The following SCIN variants were observed in gnomAD, a reference collection of about 807,000 sequenced individuals.
SCIN encodes the protein scinderin.
A neutral mutation model predicts 91.8 loss-of-function variants in SCIN; 91 were observed. That is an observed-to-expected ratio of 0.99 (90% CI 0.84 to 1.18). The LOEUF (loss-of-function observed/expected upper bound fraction) is 1.18. SCIN is among the 50% of genes most tolerant of loss of function. The pLI is 0.00. For synonymous variants in SCIN, 367 were observed against 312.6 expected, an observed-to-expected ratio of 1.17 and a Z score of -1.84; for missense variants, 1,087 against 863.9, an observed-to-expected ratio of 1.26 and a Z score of -3.24.
At chr7:12,618,490 G>A (rs1174467200) in intron 4 of SCIN, among the ~76,000 whole-genome samples, 1 of 151,988 alleles carries the variant, frequency 6.6e-6, no homozygotes, top group Admixed American at 6.6e-5. Flanking sequence ...TTTTACTTAT[G>A]AATAAAGGAA....
At chr7:12,642,428 A>G (rs1783875678) in intron 11 of SCIN, among the ~76,000 whole-genome samples, 3 of 151,990 alleles carry the variant, frequency 2.0e-5, no homozygotes, top group African/African-American at 4.8e-5. Flanking sequence ...ATTTCTTTAA[A>G]AACTGTGTCT....
At chr7:12,637,632 AAGG>A (rs934237602) in intron 10 of SCIN, among the ~76,000 whole-genome samples, 25 of 151,722 alleles carry the variant, frequency 1.6e-4, no homozygotes, top group African/African-American at 5.8e-4. Flanking sequence ...GACAAGTAAG[AAGG>A]AGGAGAGAAG....
rs1784203783 is a variant in SCIN at position 12,658,053 on chromosome 7, C to T, written c.*5338C>T. 6.6e-6 allele frequency: 1 copy of T among 152,140 alleles called. No homozygotes were observed. Among genetic ancestry groups the T allele is most frequent in the African/African-American group, 2.4e-5 (1 of 41,406 alleles). The allele number at this position is 152,140 out of a possible 1,614,324, so 9.4% of individuals were successfully genotyped here. On this transcript the variant is annotated 3_prime_UTR_variant, in exon 16 of 16. Transcript: ENST00000297029. Reference sequence around the variant, plus strand: ...TAAATTGTTTTCCATTATTTCTGTGCTGATTGCAAACAATACTGAATTAAA... The same window carrying T: ...TAAATTGTTTTCCATTATTTCTGTGTTGATTGCAAACAATACTGAATTAAA...
At chr7:12,571,064 G>A (rs569589614) in intron 1 of SCIN, 79 bp downstream of exon 1, 4 of 1,430,402 alleles carry the variant, frequency 2.8e-6, no homozygotes, top group African/African-American at 1.4e-5. Flanking sequence ...ATTTGCAGGC[G>A]TGGGAGTAAA....
chr7:12,598,984 C>A (rs1315968980), intron 3 of SCIN, among the ~76,000 whole-genome samples: 1 of 151,986 alleles, frequency 6.6e-6, no homozygotes, highest in East Asian at 1.9e-4. Context: ...TGACTTTTAG[C>A]CATTTACAAT....
At chr7:12,638,463 T>C (rs1000815811) in intron 10 of SCIN, among the ~76,000 whole-genome samples, 2 of 152,230 alleles carry the variant, frequency 1.3e-5, no homozygotes. Context: ...AATGCAGTGA[T>C]GTTTCTGATA....
chr7:12,639,733 G>T (rs1186871589), intron 10 of SCIN, among the ~76,000 whole-genome samples: 1 of 151,680 alleles, frequency 6.6e-6, no homozygotes, highest in Non-Finnish European at 1.5e-5. Flanking sequence ...CATTTCTATA[G>T]GTAAGTTAAA....
chr7:12,629,080 T>C, intron 8 of SCIN, 21 bp from the exon 9 acceptor site: 1 of 1,594,812 alleles, frequency 6.3e-7, no homozygotes, highest in Non-Finnish European at 8.5e-7. Flanking sequence ...TAATTTGTTG[T>C]ATATATTCCA....
intron 3 of SCIN, among the ~76,000 whole-genome samples, chr7:12,582,136 C>G (rs1782500360): frequency 6.6e-6 from 1 of 152,178 alleles, no homozygotes; most frequent in South Asian, 2.1e-4. Context: ...TGAGGCTTGT[C>G]TATGGAATTT....
chr7:12,632,964 A>C (rs572188639), intron 9 of SCIN, among the ~76,000 whole-genome samples: 2 of 152,312 alleles, frequency 1.3e-5, no homozygotes, highest in Admixed American at 1.3e-4. Context: ...CACCATTTGA[A>C]ATCATGGATG....
intron 3 of SCIN, among the ~76,000 whole-genome samples, chr7:12,604,251 A>T (rs1221965024): frequency 6.6e-6 from 1 of 152,072 alleles, no homozygotes; most frequent in Non-Finnish European, 1.5e-5. Context: ...CCATATGTTT[A>T]CTTTTATAAA....
chr7:12,576,358 G>GT (rs113504526), intron 1 of SCIN, among the ~76,000 whole-genome samples: 2,764 of 115,690 alleles, frequency 0.024, 112 homozygotes, highest in Admixed American at 0.12. Context: ...CTACTGAGTT[G>GT]TTTTTTTTTG....
At chr7:12,648,617 C>A (rs1784014044) in intron 13 of SCIN, among the ~76,000 whole-genome samples, 1 of 151,960 alleles carries the variant, frequency 6.6e-6, no homozygotes, top group Non-Finnish European at 1.5e-5. Context: ...TAAAAGTAAT[C>A]CTAACCTACA....
rs1300211066 is a variant in SCIN, at chr7:12,656,941, G to A, written c.*4226G>A. On this transcript the variant is annotated 3_prime_UTR_variant, in exon 16 of 16. Coordinates refer to ENST00000297029, the MANE Select transcript of SCIN (RefSeq NM_001112706.3). Reference sequence around the variant, plus strand: ...TCTCGGGGGAAGAAAAAAAAAACCTGTAAAAAGTGGCTCAACTTTAATATT... The same window carrying A: ...TCTCGGGGGAAGAAAAAAAAAACCTATAAAAAGTGGCTCAACTTTAATATT... 6.6e-6 allele frequency: 1 copy of A among 151,662 alleles called. No homozygotes were observed. The highest frequency in any genetic ancestry group is 2.4e-5 in the African/African-American group (1 of 41,276). The allele number at this position is 151,662 out of a possible 1,614,324, so 9.4% of individuals were successfully genotyped here. A position where few individuals can be genotyped will look rare whatever the true frequency, so the allele number is the denominator to read the frequency against.
At chr7:12,609,369 G>A (rs1308843787) in intron 4 of SCIN, among the ~76,000 whole-genome samples, 1 of 152,144 alleles carries the variant, frequency 6.6e-6, no homozygotes, top group Non-Finnish European at 1.5e-5. Flanking sequence ...CATAAATTAT[G>A]TAAAGCTTTT....
chr7:12,604,647 C>G lies in SCIN; in HGVS notation c.650C>G (p.Pro217Arg). The change falls in exon 4 of 16, where the codon CCC (proline) becomes CGC (arginine). Residue 217 changes from proline to arginine, a missense_variant. By Grantham distance (103) the Pro-to-Arg change is moderately radical. Coordinates refer to ENST00000297029, the MANE Select transcript of SCIN (RefSeq NM_001112706.3). ...ELIVVEEGSEPSELIKVLGEK... is the reference protein window; with the variant it reads ...ELIVVEEGSERSELIKVLGEK... ...ATTGTCGTGGAAGAAGGAAGTGAAC[C>G]CTCAGAACTTATAAAGGTATTGTGA... The G allele has an allele frequency of 3.9e-6, 6 of 1,551,860 alleles. No homozygotes were observed. The highest frequency in any genetic ancestry group is 4.4e-6 in the Non-Finnish European group (5 of 1,147,002).
In SCIN at chr7:12,604,579, TACTGG is replaced by T; in HGVS notation, c.583_587del (p.Thr195HisfsTer5). 1.9e-6 allele frequency: 3 copies of T among 1,552,028 alleles called. No individual in the cohort carries two copies. Among genetic ancestry groups the T allele is most frequent in the Non-Finnish European group, 2.6e-6 (3 of 1,147,020 alleles). On this transcript the variant is annotated frameshift_variant, in exon 4 of 16. Transcript: ENST00000297029. LOFTEE classifies it high-confidence loss of function. ...AACGTCTGAAGGCAAACCAGGTAGCTACTGGCATTCGGTACAATGAAAGGAAAGGA... is the reference window on the plus strand; with the variant it reads ...AACGTCTGAAGGCAAACCAGGTAGCTCATTCGGTACAATGAAAGGAAAGGA...
Position 12,625,000 on chromosome 7 carries a change from T to G in SCIN, c.760-10T>G, listed in dbSNP as rs1321224326. The G allele has an allele frequency of 5.3e-5, 82 of 1,550,756 alleles. 1 individual carries two copies. The highest frequency in any genetic ancestry group is 7.0e-5 in the Non-Finnish European group (80 of 1,146,838). On this transcript the variant is annotated splice_polypyrimidine_tract_variant and intron_variant, in intron 5 of 15. Transcript: ENST00000297029. The stretch of plus-strand genomic sequence containing the variant: ...AAATGAAAACATGGAGGTCATGGTT[T>G]TTATATTAGGTTTCAGATGCAAGTG...
chr7:12,595,029 G>A (rs1184850380), intron 3 of SCIN, among the ~76,000 whole-genome samples: 1 of 152,072 alleles, frequency 6.6e-6, no homozygotes, highest in Non-Finnish European at 1.5e-5. Context: ...CTGGGTAAGG[G>A]ATGATAGGAG....
Sources: allele counts gnomAD v4.1 joint callset (sites outside exome capture counted in the v4.1 genomes callset), GRCh38; gene constraint gnomAD v4.1.1; transcripts MANE v1.5; gene names NCBI Gene and HGNC (gene_info 2026-07-23, HGNC 2026-07-21).